INTS15: variants seen among roughly 807,000 people sequenced by gnomAD.
INTS15 encodes the protein uncharacterized protein C7orf26.
chr7:6,596,431 T>C, the INTS15 span, among the ~76,000 whole-genome samples: 274 of 139,734 alleles, frequency 2.0e-3, 2 homozygotes, highest in Non-Finnish European at 3.6e-3. Context: ...CAGGCTGGAG[T>C]GCAGTGGCAT....
the INTS15 span, chr7:6,591,563 C>T: frequency 4.7e-5 from 61 of 1,292,008 alleles, no homozygotes; most frequent in East Asian, 1.4e-3. Context: ...CGCGCCCAGT[C>T]TATTTCCTGT....
At chr7:6,602,776 G>C in the INTS15 span, 2 of 470,708 alleles carry the variant, frequency 4.2e-6, no homozygotes, top group East Asian at 6.9e-5. Flanking sequence ...ACTGTGGTCA[G>C]ATTCTGGAGA....
At chr7:6,590,150 G>A in the INTS15 span, 6 of 707,282 alleles carry the variant, frequency 8.5e-6, no homozygotes, top group Non-Finnish European at 1.2e-5. Context: ...AGCAGGCGGC[G>A]GCAGGCGGGC....
the INTS15 span, chr7:6,594,414 G>A: frequency 6.2e-7 from 1 of 1,613,754 alleles, no homozygotes. Context: ...TAGTTAAGTG[G>A]ACTGTGTGGC....
the INTS15 span, chr7:6,590,025 G>T: frequency 5.0e-6 from 1 of 200,176 alleles, no homozygotes; most frequent in Non-Finnish European, 9.9e-6. Context: ...CCCGGCATTC[G>T]GCCGCTGTTC....
At chr7:6,608,311 C>T in the INTS15 span, 1 of 1,435,628 alleles carries the variant, frequency 7.0e-7, no homozygotes, top group Non-Finnish European at 9.1e-7. Context: ...AGTCCAGGTG[C>T]TTCCCACCCG....
chr7:6,593,581 G>C, the INTS15 span, among the ~76,000 whole-genome samples: 1 of 151,560 alleles, frequency 6.6e-6, no homozygotes, highest in South Asian at 2.1e-4. Flanking sequence ...TGATCCGCCT[G>C]CCTCGGCCTC....
At chr7:6,599,888 C>G in the INTS15 span, 2 of 1,614,166 alleles carry the variant, frequency 1.2e-6, no homozygotes, top group Non-Finnish European at 1.7e-6. Context: ...TTTTGAGGAC[C>G]CAAGGTTGAT....
chr7:6,590,463 C>T, the INTS15 span: 5 of 1,590,900 alleles, frequency 3.1e-6, no homozygotes, highest in Non-Finnish European at 4.3e-6. Context: ...AGGAGCGCAG[C>T]GCGCAGCCCA....
the INTS15 span, among the ~76,000 whole-genome samples, chr7:6,599,093 C>T: frequency 8.2e-4 from 125 of 152,224 alleles, no homozygotes; most frequent in African/African-American, 2.5e-3. Flanking sequence ...ATACTTTCGA[C>T]GAGTCCTGGG....
the INTS15 span, chr7:6,600,261 C>T: frequency 1.2e-6 from 2 of 1,614,192 alleles, no homozygotes; most frequent in Non-Finnish European, 8.5e-7. Flanking sequence ...GAACTGAACC[C>T]CCTCAACGCC....
the INTS15 span, among the ~76,000 whole-genome samples, chr7:6,604,287 A>C: frequency 6.6e-6 from 1 of 152,178 alleles, no homozygotes; most frequent in South Asian, 2.1e-4. Context: ...GCAGTTACTA[A>C]CTAGCAAAGA....
the INTS15 span, chr7:6,602,720 C>T: frequency 4.2e-6 from 2 of 471,012 alleles, no homozygotes; most frequent in Non-Finnish European, 8.8e-6. Flanking sequence ...CTACTCCTTG[C>T]CACGTGGAGA....
At chr7:6,590,507 C>G in the INTS15 span, 3 of 1,522,012 alleles carry the variant, frequency 2.0e-6, no homozygotes, top group African/African-American at 2.9e-5. Context: ...TTCCCGGGCC[C>G]CGCAGGCGGG....
At chr7:6,603,196 G>A in the INTS15 span, among the ~76,000 whole-genome samples, 1 of 152,062 alleles carries the variant, frequency 6.6e-6, no homozygotes, top group Non-Finnish European at 1.5e-5. Flanking sequence ...GTTTCAGTGA[G>A]CCAAGAGCAT....
the INTS15 span, chr7:6,608,678 G>A: frequency 8.0e-6 from 2 of 251,028 alleles, no homozygotes; most frequent in South Asian, 2.9e-4. Context: ...TTTATTGGGG[G>A]TGTCTAAATT....
the INTS15 span, chr7:6,600,430 G>T: frequency 8.4e-6 from 12 of 1,421,674 alleles, no homozygotes; most frequent in South Asian, 1.6e-4. Flanking sequence ...GGGGCTCCTG[G>T]ACAGACACTG....
chr7:6,606,363 T>C, the INTS15 span, among the ~76,000 whole-genome samples: 1 of 148,060 alleles, frequency 6.8e-6, no homozygotes, highest in Admixed American at 6.8e-5. Flanking sequence ...ACCAGCCCCT[T>C]GATGGAGTAT....
the INTS15 span, among the ~76,000 whole-genome samples, chr7:6,597,186 C>T: frequency 2.6e-5 from 4 of 152,178 alleles, no homozygotes; most frequent in Non-Finnish European, 4.4e-5. Flanking sequence ...CCTTCTCTCT[C>T]CTCCAAAGGC....
Sources: allele counts gnomAD v4.1 joint callset (sites outside exome capture counted in the v4.1 genomes callset), GRCh38; gene constraint gnomAD v4.1.1; transcripts MANE v1.5; gene names NCBI Gene and HGNC (gene_info 2026-07-23, HGNC 2026-07-21).